Variants in TM2D1 observed in about 807,000 individuals in gnomAD.
TM2D1 encodes TM2 domain containing 1.
Under a neutral mutation model 28.4 loss-of-function variants are expected in TM2D1, and 15 were observed. That is an observed-to-expected ratio of 0.53 (90% CI 0.35 to 0.81). TM2D1 has a LOEUF of 0.81. Ranked by LOEUF, TM2D1 falls within the 40% of genes least tolerant of loss-of-function variation. The pLI, the probability that TM2D1 is intolerant of heterozygous loss-of-function variation, is 0.01. For missense variants in TM2D1, 236 were observed against 254.9 expected (o/e 0.93, Z 0.50); for synonymous variants, 93 against 96.2 (o/e 0.97, Z 0.20).
chr1:61,710,533 T>C (rs1457594037), intron 2 of TM2D1, among the ~76,000 whole-genome samples: 3 of 137,856 alleles, frequency 2.2e-5, no homozygotes, highest in Non-Finnish European at 4.6e-5. Context: ...CACACACATA[T>C]ACGACTACCC....
chr1:61,718,220 G>A (rs1644536774), intron 2 of TM2D1, among the ~76,000 whole-genome samples: 1 of 152,042 alleles, frequency 6.6e-6, no homozygotes, highest in Non-Finnish European at 1.5e-5. Flanking sequence ...AGCCTGGGAG[G>A]TGGAGGTTAG....
At chr1:61,693,921 C>T (rs57443773) in intron 5 of TM2D1, among the ~76,000 whole-genome samples, 7 of 152,190 alleles carry the variant, frequency 4.6e-5, no homozygotes, top group Non-Finnish European at 5.9e-5. Flanking sequence ...GAGTTAACCA[C>T]AATCAGTTCT....
intron 4 of TM2D1, chr1:61,697,764 T>C (rs1037787797): frequency 6.6e-6 from 1 of 152,220 alleles, no homozygotes; most frequent in Non-Finnish European, 1.5e-5. Context: ...CAGCAAGCAC[T>C]TATCTGCTTT....
intron 5 of TM2D1, among the ~76,000 whole-genome samples, chr1:61,689,413 G>A (rs955504120): frequency 5.9e-5 from 9 of 152,034 alleles, no homozygotes; most frequent in Non-Finnish European, 1.3e-4. Flanking sequence ...GCTCATGCTA[G>A]AGTGTAGTAC....
chr1:61,717,569 T>G (rs559045927), intron 2 of TM2D1, among the ~76,000 whole-genome samples: 2 of 152,066 alleles, frequency 1.3e-5, no homozygotes, highest in East Asian at 3.9e-4. Flanking sequence ...TGTGGTTTTT[T>G]TTGTTTGACT....
In TM2D1 at chr1:61,683,505, G is replaced by A. The variant is rs745833382; in HGVS notation, c.555C>T (p.Tyr185=). 1 of 1,544,998 alleles carries A rather than the reference G, an allele frequency of 6.5e-7. No homozygotes were observed. The highest frequency in any genetic ancestry group is 8.7e-7 in the Non-Finnish European group (1 of 1,148,208). The part of the protein sequence containing the change: ...PSDGSSYIID[Y]YGTRLTRLSI... Reference sequence around the variant, plus strand: ...TCAGTCTTGTAAGTCTGGTTCCATAGTAATCTATAATGTAACTACTTCCAT... The same window carrying A: ...TCAGTCTTGTAAGTCTGGTTCCATAATAATCTATAATGTAACTACTTCCAT... The change falls in exon 6 of 7, where the codon TAC becomes TAT. Residue 185 remains tyrosine, a synonymous_variant. Coordinates refer to ENST00000606498, the MANE Select transcript of TM2D1 (RefSeq NM_032027.3).
At chr1:61,697,672 G>T (rs1190647419) in intron 4 of TM2D1, 1 of 152,022 alleles carries the variant, frequency 6.6e-6, no homozygotes. Context: ...AATAAAAAAA[G>T]AACATATCTG....
chr1:61,707,188 G>A (rs887504081), intron 3 of TM2D1, among the ~76,000 whole-genome samples: 4 of 152,184 alleles, frequency 2.6e-5, no homozygotes, highest in Non-Finnish European at 4.4e-5. Context: ...CAGGAAGGTT[G>A]AGGCTGCAAT....
chr1:61,706,611 C>T (rs1268743441), intron 3 of TM2D1, among the ~76,000 whole-genome samples: 2 of 151,632 alleles, frequency 1.3e-5, no homozygotes, highest in African/African-American at 4.9e-5. Flanking sequence ...GAGTTCGAGA[C>T]CAGCCTGACA....
At chr1:61,696,951 ATGAATGAAGTTTT>A (rs1389672314) in intron 4 of TM2D1, among the ~76,000 whole-genome samples, 2 of 152,060 alleles carry the variant, frequency 1.3e-5, no homozygotes, top group Non-Finnish European at 2.9e-5. Context: ...CCTCTCAGGA[ATGAATGAAGTTTT>A]TGATTATAAT....
At chr1:61,722,892 T>C (rs529031515) in intron 2 of TM2D1, among the ~76,000 whole-genome samples, 131 of 152,308 alleles carry the variant, frequency 8.6e-4, no homozygotes, top group African/African-American at 2.9e-3. Context: ...CACTTCATAC[T>C]GGGAAGCTGG....
chr1:61,721,134 G>A (rs1291407053), intron 2 of TM2D1, among the ~76,000 whole-genome samples: 2 of 152,134 alleles, frequency 1.3e-5, no homozygotes, highest in Non-Finnish European at 2.9e-5. Flanking sequence ...AAGAGGCTGA[G>A]GTGGGAGGAT....
intron 2 of TM2D1, among the ~76,000 whole-genome samples, chr1:61,721,555 AAG>A (rs1232296791): frequency 7.5e-4 from 106 of 140,430 alleles, no homozygotes; most frequent in Non-Finnish European, 1.4e-3. Flanking sequence ...AAAAAAAAAA[AAG>A]AAAAAAGAAA....
At chr1:61,717,332 C>A (rs1644529767) in intron 2 of TM2D1, among the ~76,000 whole-genome samples, 1 of 151,324 alleles carries the variant, frequency 6.6e-6, no homozygotes, top group Admixed American at 6.6e-5. Flanking sequence ...AGTGCCACTG[C>A]ACTCCAGCCT....
At chr1:61,708,320 G>T (rs540847450) in intron 3 of TM2D1, among the ~76,000 whole-genome samples, 1 of 152,154 alleles carries the variant, frequency 6.6e-6, no homozygotes, top group Non-Finnish European at 1.5e-5. Flanking sequence ...AAAGTGCTGG[G>T]ATTACAAGTG....
intron 6 of TM2D1, among the ~76,000 whole-genome samples, chr1:61,681,765 A>G (rs543513656): frequency 1.3e-5 from 2 of 152,342 alleles, no homozygotes; most frequent in South Asian, 4.1e-4. Flanking sequence ...CAAAACAAAA[A>G]TGCCTAATAC....
rs1340721237 is a variant in TM2D1 at position 61,684,388 on chromosome 1, TCTC to T, written c.514-845_514-843del. Among the ~76,000 whole-genome samples, 10 of 152,122 alleles carry T rather than the reference TCTC, an allele frequency of 6.6e-5. No individual in the cohort carries two copies. In the South Asian group the frequency reaches 1.0e-3, roughly 16 times the overall value. The stretch of plus-strand genomic sequence containing the variant: ...CATCCTACCAGTTTCCCTTCCCACT[TCTC>T]CTCACTGTGGTCATTTCTCCCACTT... On this transcript the variant is annotated intron_variant, in intron 5 of 6. Transcript: ENST00000606498.
At chr1:61,724,752 AT>A (rs1184109893) in intron 1 of TM2D1, 33 of 506,926 alleles carry the variant, frequency 6.5e-5, no homozygotes, top group African/African-American at 1.2e-4. Context: ...GACTAGTAAA[AT>A]CATAAGGAAA....
At chr1:61,694,656 T>C (rs1312085032) in intron 5 of TM2D1, 41 bp downstream of exon 5, 2 of 1,343,636 alleles carry the variant, frequency 1.5e-6, no homozygotes, top group Non-Finnish European at 2.1e-6. Flanking sequence ...AACTCAATTT[T>C]GAATGTAAAA....
Sources: gnomAD v4.1 joint callset for allele counts (sites outside exome capture counted in the v4.1 genomes callset) on GRCh38, gnomAD v4.1.1 for gene constraint, MANE v1.5 for transcripts, NCBI Gene and HGNC (gene_info 2026-07-23, HGNC 2026-07-21) for gene names.